KCNH5: variants seen among roughly 807,000 people sequenced by gnomAD.
KCNH5 encodes the protein potassium voltage-gated channel subfamily H member 5.
A neutral mutation model predicts 96.1 loss-of-function variants in KCNH5; 46 were observed. The ratio of observed to expected loss-of-function variants is 0.48; its 90% confidence interval spans 0.38 to 0.61. The LOEUF is 0.61. Among genes scored for constraint, KCNH5 ranks in the 20% least tolerant of loss-of-function variants. KCNH5 has a pLI of 0.00. For synonymous variants in KCNH5, 439 were observed against 449.8 expected, an observed-to-expected ratio of 0.98 and a Z score of 0.30; for missense variants, 907 against 1,225.8, an observed-to-expected ratio of 0.74 and a Z score of 3.88.
rs1282186415 is a variant in KCNH5, at chr14:62,987,199, G to T, written c.434-12C>A. ...AAATTTCGTCCAACCTTAAAAATAA[G>T]GAAAGAAAGTCTCAGTTTTTCATAC... On this transcript the variant is annotated splice_polypyrimidine_tract_variant and intron_variant, in intron 4 of 10. Transcript: ENST00000322893. 4.4e-6 allele frequency: 7 copies of T among 1,579,080 alleles called. No individual in the cohort carries two copies. Among genetic ancestry groups the T allele is most frequent in the Non-Finnish European group, 6.1e-6 (7 of 1,148,718 alleles).
chr14:62,872,775 A>C (rs2140067922), intron 7 of KCNH5, among the ~76,000 whole-genome samples: 1 of 152,302 alleles, frequency 6.6e-6, no homozygotes, highest in African/African-American at 2.4e-5. Context: ...ACATATAGAA[A>C]AGTTCTAAGA....
At chr14:62,870,756 A>G (rs966272167) in intron 7 of KCNH5, among the ~76,000 whole-genome samples, 1 of 152,188 alleles carries the variant, frequency 6.6e-6, no homozygotes, top group Non-Finnish European at 1.5e-5. Context: ...TCATTATTAT[A>G]TATAACTTTT....
At chr14:62,709,774 G>A (rs1247297634) in intron 10 of KCNH5, among the ~76,000 whole-genome samples, 21 of 152,178 alleles carry the variant, frequency 1.4e-4, no homozygotes, top group Admixed American at 1.4e-3. Context: ...TATTATCAGA[G>A]TTGGAAGTAA....
chr14:62,853,458 T>TATATATATATATATATATATATATATC lies in KCNH5; in HGVS notation c.1370-3607_1370-3606insGATATATATATATATATATATATATAT, dbSNP rs1555360130. 8.0e-3 allele frequency among the ~76,000 whole-genome samples: 353 copies of TATATATATATATATATATATATATATC among 43,864 alleles called. 6 individuals are homozygous for TATATATATATATATATATATATATATC. The highest frequency in any genetic ancestry group is 0.014 in the East Asian group (18 of 1,288). 28.8% of individuals were successfully genotyped at this position (43,864 alleles called of 152,430 possible). On this transcript the variant is annotated intron_variant, in intron 7 of 10. Coordinates refer to ENST00000322893, the MANE Select transcript of KCNH5 (RefSeq NM_139318.5). ...ATTTCCCAAACAAAAAGAATAATCA[T>TATATATATATATATATATATATATATC]ATATATATATATATATATATATCAT...
At chr14:62,756,454 A>T (rs1338429888) in intron 10 of KCNH5, among the ~76,000 whole-genome samples, 1 of 152,168 alleles carries the variant, frequency 6.6e-6, no homozygotes, top group African/African-American at 2.4e-5. Context: ...AAAAATCCTA[A>T]AATTCATATG....
At chr14:62,841,751 G>A (rs143650936) in intron 8 of KCNH5, among the ~76,000 whole-genome samples, 79 of 152,316 alleles carry the variant, frequency 5.2e-4, no homozygotes, top group African/African-American at 1.8e-3. Flanking sequence ...CCTACCTTGC[G>A]CAAGCACCAT....
intron 2 of KCNH5, among the ~76,000 whole-genome samples, chr14:63,007,082 C>T (rs1437736228): frequency 6.6e-6 from 1 of 152,006 alleles, no homozygotes; most frequent in Non-Finnish European, 1.5e-5. Flanking sequence ...AAATAGGTGA[C>T]CATGGAAATG....
intron 7 of KCNH5, among the ~76,000 whole-genome samples, chr14:62,890,061 A>C (rs963090101): frequency 2.6e-5 from 4 of 152,184 alleles, no homozygotes; most frequent in Non-Finnish European, 5.9e-5. Context: ...CCTTTCTTAC[A>C]CCATATACAA....
chr14:62,884,285 A>G (rs1888551683), intron 7 of KCNH5, among the ~76,000 whole-genome samples: 1 of 152,192 alleles, frequency 6.6e-6, no homozygotes, highest in Non-Finnish European at 1.5e-5. Flanking sequence ...TGCATTCCAA[A>G]CAATTGACTT....
intron 4 of KCNH5, among the ~76,000 whole-genome samples, chr14:62,998,940 A>G (rs1336980720): frequency 2.0e-5 from 3 of 152,228 alleles, no homozygotes; most frequent in Non-Finnish European, 4.4e-5. Context: ...ATGGAGCACC[A>G]TGAATTTTAA....
chr14:62,954,958 C>T (rs1357653797), intron 6 of KCNH5, among the ~76,000 whole-genome samples: 1 of 152,038 alleles, frequency 6.6e-6, no homozygotes, highest in East Asian at 1.9e-4. Flanking sequence ...CAACTGGTCC[C>T]TCTCACAACA....
chr14:62,759,184 T>A lies in KCNH5; in HGVS notation c.2019+20544A>T, dbSNP rs569515601. ...TCCTGGTCACTTGTATTAGTTTGAC[T>A]TATTTTGGTAAGATATTAAATCTAT... On this transcript the variant is annotated intron_variant, in intron 10 of 10. Transcript: ENST00000322893. 2.2e-4 allele frequency among the ~76,000 whole-genome samples: 34 copies of A among 152,322 alleles called. 1 individual carries two copies. The South Asian group carries it at 6.8e-3, about 31-fold the overall frequency.
intron 7 of KCNH5, among the ~76,000 whole-genome samples, chr14:62,866,174 C>T (rs959655063): frequency 6.6e-6 from 1 of 151,970 alleles, no homozygotes; most frequent in Non-Finnish European, 1.5e-5. Context: ...AGAAGCTGGC[C>T]GAAAAGTAAC....
At chr14:62,962,431 C>T (rs1301103622) in intron 6 of KCNH5, among the ~76,000 whole-genome samples, 1 of 152,096 alleles carries the variant, frequency 6.6e-6, no homozygotes, top group Non-Finnish European at 1.5e-5. Flanking sequence ...CAAATACCTG[C>T]TGGAAGAACT....
At chr14:62,909,202 C>T (rs1345140494) in intron 7 of KCNH5, among the ~76,000 whole-genome samples, 6 of 150,252 alleles carry the variant, frequency 4.0e-5, no homozygotes, top group South Asian at 2.1e-4. Context: ...CCCGCCACTA[C>T]GCCCGGCTAA....
intron 7 of KCNH5, among the ~76,000 whole-genome samples, chr14:62,945,616 G>C (rs140179627): frequency 6.6e-6 from 1 of 152,250 alleles, no homozygotes; most frequent in African/African-American, 2.4e-5. Flanking sequence ...GGTTCGGATC[G>C]TGGTAGGGAC....
chr14:62,734,503 T>C (rs142443479), intron 10 of KCNH5, among the ~76,000 whole-genome samples: 1 of 152,246 alleles, frequency 6.6e-6, no homozygotes, highest in African/African-American at 2.4e-5. Flanking sequence ...TTGACCATGC[T>C]GTTTGACTTT....
At chr14:62,889,649 C>T (rs1031547786) in intron 7 of KCNH5, among the ~76,000 whole-genome samples, 2 of 152,136 alleles carry the variant, frequency 1.3e-5, no homozygotes, top group African/African-American at 4.8e-5. Flanking sequence ...GCAGCCAGGA[C>T]AGATTCCAGA....
At chr14:62,819,701 G>A (rs1160189578) in intron 8 of KCNH5, among the ~76,000 whole-genome samples, 1 of 152,180 alleles carries the variant, frequency 6.6e-6, no homozygotes, top group African/African-American at 2.4e-5. Flanking sequence ...GGAGGCTTCA[G>A]AGGACATAAA....
Sources: allele counts gnomAD v4.1 joint callset (sites outside exome capture counted in the v4.1 genomes callset), GRCh38; gene constraint gnomAD v4.1.1; transcripts MANE v1.5; gene names NCBI Gene and HGNC (gene_info 2026-07-23, HGNC 2026-07-21).